The following NELL1 variants were observed in gnomAD, a reference collection of about 807,000 sequenced individuals.
NELL1 encodes protein kinase C-binding protein NELL1.
Under a neutral mutation model 107.4 loss-of-function variants are expected in NELL1, and 76 were observed. The observed-to-expected ratio is 0.71, with a 90% CI of 0.59 to 0.86. The LOEUF is 0.86. NELL1 is among the 40% of genes least tolerant of loss of function. The pLI is 0.00. For missense variants in NELL1, 1,024 were observed against 1,005.5 expected, an observed-to-expected ratio of 1.02 and a Z score of -0.25; for synonymous variants, 353 against 341.2, an observed-to-expected ratio of 1.03 and a Z score of -0.38.
At chr11:20,796,282 T>C (rs17298544) in intron 3 of NELL1, among the ~76,000 whole-genome samples, 2,560 of 152,344 alleles carry the variant, frequency 0.017, 28 homozygotes, top group Admixed American at 0.025. Context: ...GTTTACCTTC[T>C]TAATTACAGA....
intron 15 of NELL1, among the ~76,000 whole-genome samples, chr11:21,380,069 C>A (rs1564866980): frequency 6.6e-6 from 1 of 152,088 alleles, no homozygotes. Flanking sequence ...AAAAGTACAT[C>A]TTTACATCCA....
At chr11:21,528,515 C>CG (rs899509021) in intron 15 of NELL1, among the ~76,000 whole-genome samples, 5 of 42,464 alleles carry the variant, frequency 1.2e-4, no homozygotes, top group African/African-American at 1.7e-4. Context: ...ATACCCACCC[C>CG]CCCCCCCTTT....
intron 2 of NELL1, among the ~76,000 whole-genome samples, chr11:20,736,708 T>C (rs534501434): frequency 1.3e-5 from 2 of 152,166 alleles, no homozygotes; most frequent in Non-Finnish European, 2.9e-5. Flanking sequence ...AAAGGAAAAG[T>C]TGATAATTTC....
intron 14 of NELL1, among the ~76,000 whole-genome samples, chr11:21,234,170 A>T (rs1029156577): frequency 2.0e-5 from 3 of 152,254 alleles, no homozygotes; most frequent in Non-Finnish European, 4.4e-5. Flanking sequence ...CAAACTGGCT[A>T]TGTAACTTGC....
At chr11:20,839,921 C>T (rs894906533) in intron 3 of NELL1, among the ~76,000 whole-genome samples, 5 of 152,184 alleles carry the variant, frequency 3.3e-5, no homozygotes, top group Admixed American at 1.3e-4. Context: ...CCAAAGATAT[C>T]TGATTTGTGA....
At chr11:20,928,102 T>A (rs1850538548) in intron 8 of NELL1, among the ~76,000 whole-genome samples, 1 of 152,236 alleles carries the variant, frequency 6.6e-6, no homozygotes, top group African/African-American at 2.4e-5. Context: ...ATTTATGTTC[T>A]TATAAAAATA....
intron 14 of NELL1, among the ~76,000 whole-genome samples, chr11:21,361,556 C>G (rs1169440274): frequency 6.6e-6 from 1 of 151,998 alleles, no homozygotes; most frequent in Non-Finnish European, 1.5e-5. Context: ...GGAAGTTTTC[C>G]TCTATTATTC....
intron 15 of NELL1, among the ~76,000 whole-genome samples, chr11:21,487,430 G>T (rs565868301): frequency 6.6e-6 from 1 of 151,702 alleles, no homozygotes; most frequent in Admixed American, 6.6e-5. Flanking sequence ...ACCACAAGAT[G>T]AGCCCTACTA....
chr11:21,531,803 T>C (rs568661578), intron 15 of NELL1, among the ~76,000 whole-genome samples: 12 of 152,260 alleles, frequency 7.9e-5, no homozygotes, highest in African/African-American at 2.9e-4. Flanking sequence ...TCTTTGCCTC[T>C]GAGGACAAAG....
At chr11:20,768,021 G>T (rs770930246) in intron 2 of NELL1, among the ~76,000 whole-genome samples, 1 of 152,144 alleles carries the variant, frequency 6.6e-6, no homozygotes, top group Admixed American at 6.5e-5. Flanking sequence ...AGGCTTCCCC[G>T]CAGAGGTGAC....
At chr11:20,969,736 C>T (rs1041357535) in intron 12 of NELL1, among the ~76,000 whole-genome samples, 1 of 151,650 alleles carries the variant, frequency 6.6e-6, no homozygotes, top group African/African-American at 2.4e-5. Context: ...ATTTAGCAGC[C>T]GGGTAACATT....
At position 21,184,466 on chromosome 11, in the gene NELL1, C is replaced by T. The variant is rs537916179; in HGVS notation, c.1427-44866C>T. 1.3e-4 allele frequency among the ~76,000 whole-genome samples: 19 copies of T among 151,764 alleles called. 2 individuals are homozygous for T. The South Asian group carries it at 3.1e-3, about 25-fold the overall frequency. On this transcript the variant is annotated intron_variant, in intron 13 of 19. Coordinates refer to ENST00000357134, the MANE Select transcript of NELL1 (RefSeq NM_006157.5). ...TGTATTTTTAGTAGAGATGGGGTTTCGCAATGTTGGCCAGGCTGGTCTCAA... is the reference window on the plus strand; with the variant it reads ...TGTATTTTTAGTAGAGATGGGGTTTTGCAATGTTGGCCAGGCTGGTCTCAA...
chr11:21,381,422 T>C (rs1590884945), intron 15 of NELL1, among the ~76,000 whole-genome samples: 1 of 151,908 alleles, frequency 6.6e-6, no homozygotes. Context: ...GGTTTGCCAC[T>C]AAAAAAAGAA....
chr11:21,269,428 AT>A (rs1408824915), intron 14 of NELL1, among the ~76,000 whole-genome samples: 1 of 151,928 alleles, frequency 6.6e-6, no homozygotes, highest in Non-Finnish European at 1.5e-5. Flanking sequence ...AAAACCAAAG[AT>A]AAAAATTCTT....
intron 13 of NELL1, among the ~76,000 whole-genome samples, chr11:21,164,937 C>T (rs968127731): frequency 1.3e-5 from 2 of 151,938 alleles, no homozygotes; most frequent in African/African-American, 4.8e-5. Flanking sequence ...TTTTTATTTC[C>T]TTTCAATTCA....
intron 15 of NELL1, among the ~76,000 whole-genome samples, chr11:21,510,444 C>G (rs1855406811): frequency 6.6e-6 from 1 of 152,136 alleles, no homozygotes; most frequent in African/African-American, 2.4e-5. Context: ...CAGTCTAGTC[C>G]TTTTTCCTGG....
chr11:21,429,803 G>A (rs2133832142), intron 15 of NELL1, among the ~76,000 whole-genome samples: 1 of 152,228 alleles, frequency 6.6e-6, no homozygotes. Context: ...TGAGATGTGG[G>A]TTCACAAGAG....
At chr11:20,984,536 A>G (rs1008495753) in intron 12 of NELL1, among the ~76,000 whole-genome samples, 4 of 152,090 alleles carry the variant, frequency 2.6e-5, no homozygotes, top group Non-Finnish European at 5.9e-5. Context: ...CTTTCCTCCC[A>G]TCCTTCCAAT....
chr11:20,790,735 G>A (rs186363120), intron 3 of NELL1, among the ~76,000 whole-genome samples: 1 of 152,302 alleles, frequency 6.6e-6, no homozygotes, highest in East Asian at 1.9e-4. Flanking sequence ...CAGGAGGCCT[G>A]GGTCTGTAGC....
Sources: allele counts gnomAD v4.1 joint callset (sites outside exome capture counted in the v4.1 genomes callset), GRCh38; gene constraint gnomAD v4.1.1; transcripts MANE v1.5; gene names NCBI Gene and HGNC (gene_info 2026-07-23, HGNC 2026-07-21).